The following MATCAP2 variants were observed in gnomAD, a reference collection of about 807,000 sequenced individuals.
The protein encoded by MATCAP2 is putative tyrosine carboxypeptidase MATCAP2.
At chr7:36,363,520 CAGT>C in the MATCAP2 span, among the ~76,000 whole-genome samples, 2 of 152,174 alleles carry the variant, frequency 1.3e-5, no homozygotes, top group African/African-American at 4.8e-5. Context: ...TAAAAACCAA[CAGT>C]TGAGCAAACC....
At chr7:36,331,922 G>A in the MATCAP2 span, among the ~76,000 whole-genome samples, 5 of 152,166 alleles carry the variant, frequency 3.3e-5, no homozygotes, top group African/African-American at 1.2e-4. Context: ...CCTAATCAGA[G>A]ACGCACATTG....
At chr7:36,377,113 AT>A in the MATCAP2 span, among the ~76,000 whole-genome samples, 1 of 152,116 alleles carries the variant, frequency 6.6e-6, no homozygotes, top group Admixed American at 6.6e-5. Context: ...TAAGGTTAAT[AT>A]TGTTATGTGT....
the MATCAP2 span, among the ~76,000 whole-genome samples, chr7:36,361,801 G>A: frequency 6.8e-4 from 103 of 152,238 alleles, no homozygotes; most frequent in South Asian, 2.7e-3. Flanking sequence ...ATTGTGGTAC[G>A]CTCATATAAC....
chr7:36,337,086 G>T, the MATCAP2 span, among the ~76,000 whole-genome samples: 1 of 21,170 alleles, frequency 4.7e-5, no homozygotes, highest in South Asian at 1.1e-3. Context: ...CAACAGGAGT[G>T]AAACTCCATC....
chr7:36,349,224 G>T, the MATCAP2 span, among the ~76,000 whole-genome samples: 1 of 152,342 alleles, frequency 6.6e-6, no homozygotes, highest in Non-Finnish European at 1.5e-5. Flanking sequence ...ACTGACAGCA[G>T]TGTGGAGAGC....
chr7:36,346,636 T>TG, the MATCAP2 span, among the ~76,000 whole-genome samples: 2 of 152,176 alleles, frequency 1.3e-5, no homozygotes, highest in Non-Finnish European at 2.9e-5. Flanking sequence ...GTTGGTGAGA[T>TG]GGGGAACGAT....
chr7:36,334,331 G>A, the MATCAP2 span, among the ~76,000 whole-genome samples: 1 of 151,966 alleles, frequency 6.6e-6, no homozygotes, highest in Non-Finnish European at 1.5e-5. Context: ...GAGTTCAGGA[G>A]TTGGAGACCA....
chr7:36,371,678 G>A, the MATCAP2 span, among the ~76,000 whole-genome samples: 1 of 152,322 alleles, frequency 6.6e-6, no homozygotes, highest in East Asian at 1.9e-4. Flanking sequence ...GAAAGAGGAA[G>A]AGAGAGATGG....
the MATCAP2 span, among the ~76,000 whole-genome samples, chr7:36,377,706 G>A: frequency 1.3e-5 from 2 of 152,118 alleles, no homozygotes; most frequent in Non-Finnish European, 2.9e-5. Context: ...TTTCCAGCTT[G>A]GTTCCATTCT....
chr7:36,324,893 G>A, the MATCAP2 span: 1 of 152,124 alleles, frequency 6.6e-6, no homozygotes, highest in East Asian at 1.9e-4. Flanking sequence ...CAAATGATCC[G>A]ACCAACAGGA....
the MATCAP2 span, among the ~76,000 whole-genome samples, chr7:36,351,135 G>T: frequency 1.6e-4 from 25 of 152,172 alleles, no homozygotes; most frequent in Admixed American, 6.5e-5. Context: ...GGTAGCTCAC[G>T]CCTGTAATCC....
At chr7:36,351,941 T>TAAAA in the MATCAP2 span, among the ~76,000 whole-genome samples, 93 of 115,280 alleles carry the variant, frequency 8.1e-4, no homozygotes, top group South Asian at 4.6e-3. Flanking sequence ...GGGAGATTGT[T>TAAAA]AAAAAAAAAA....
the MATCAP2 span, chr7:36,324,404 C>T: frequency 6.6e-6 from 1 of 152,132 alleles, no homozygotes; most frequent in Non-Finnish European, 1.5e-5. Context: ...TAAAACCTAA[C>T]AGTTTACCAG....
the MATCAP2 span, among the ~76,000 whole-genome samples, chr7:36,354,881 C>T: frequency 8.5e-5 from 13 of 152,278 alleles, no homozygotes; most frequent in South Asian, 2.5e-3. Flanking sequence ...TGCAAAGCCA[C>T]AGGCTAAGCA....
the MATCAP2 span, among the ~76,000 whole-genome samples, chr7:36,364,468 T>G: frequency 9.2e-5 from 14 of 152,268 alleles, no homozygotes; most frequent in East Asian, 2.7e-3. Context: ...ACAGCATAGA[T>G]AGCATATACT....
chr7:36,350,080 T>C, the MATCAP2 span, among the ~76,000 whole-genome samples: 1 of 152,228 alleles, frequency 6.6e-6, no homozygotes, highest in Non-Finnish European at 1.5e-5. Context: ...GAAGGCTTAC[T>C]TTTTCCTCCC....
the MATCAP2 span, chr7:36,334,200 C>G: frequency 1.1e-5 from 17 of 1,494,590 alleles, no homozygotes; most frequent in Non-Finnish European, 1.5e-5. Flanking sequence ...AAAGAAATGC[C>G]ATTCTTGTTT....
chr7:36,346,752 G>T, the MATCAP2 span, among the ~76,000 whole-genome samples: 1 of 152,100 alleles, frequency 6.6e-6, no homozygotes, highest in South Asian at 2.1e-4. Flanking sequence ...CTGTACTCTA[G>T]TTTTATTTAT....
At chr7:36,337,620 G>A in the MATCAP2 span, 2 of 152,068 alleles carry the variant, frequency 1.3e-5, no homozygotes, top group African/African-American at 4.8e-5. Flanking sequence ...GCTATCGTGA[G>A]CAAGTCACTA....
Sources: allele counts gnomAD v4.1 joint callset (sites outside exome capture counted in the v4.1 genomes callset), GRCh38; gene constraint gnomAD v4.1.1; transcripts MANE v1.5; gene names NCBI Gene and HGNC (gene_info 2026-07-23, HGNC 2026-07-21).